AGBL4: variants seen among roughly 807,000 people sequenced by gnomAD.
AGBL4 encodes the protein AGBL carboxypeptidase 4.
Under a neutral mutation model 66.4 loss-of-function variants are expected in AGBL4, and 58 were observed. The observed-to-expected ratio is 0.87, with a 90% confidence interval of 0.71 to 1.09. The LOEUF (loss-of-function observed/expected upper bound fraction) is 1.09. Ranked by LOEUF, AGBL4 falls within the 50% of genes least tolerant of loss-of-function variation. The probability of loss-of-function intolerance (pLI) is 0.00; values close to 1 mark genes in which losing one functional copy is unlikely to be tolerated. For missense variants in AGBL4, 579 were observed against 631.0 expected (o/e 0.92, Z 0.88); for synonymous variants, 234 against 222.9 (o/e 1.05, Z -0.44).
intron 6 of AGBL4, among the ~76,000 whole-genome samples, chr1:48,691,993 A>G (rs1646640583): frequency 6.6e-6 from 1 of 152,118 alleles, no homozygotes; most frequent in Non-Finnish European, 1.5e-5. Flanking sequence ...CCTTTGGGAA[A>G]CTCATTCCAA....
intron 5 of AGBL4, among the ~76,000 whole-genome samples, chr1:48,969,331 A>G (rs1658718498): frequency 1.3e-5 from 2 of 151,908 alleles, no homozygotes; most frequent in Admixed American, 6.6e-5. Context: ...AGTGCCCTCT[A>G]TTTGTCGGAA....
intron 5 of AGBL4, among the ~76,000 whole-genome samples, chr1:48,926,244 ATTATTTTAT>A: frequency 7.0e-6 from 1 of 142,352 alleles, no homozygotes. Flanking sequence ...ATGACCATGA[ATTATTTTAT>A]TTTATTTTAT....
intron 5 of AGBL4, among the ~76,000 whole-genome samples, chr1:48,890,388 T>C (rs1042351528): frequency 6.6e-6 from 1 of 152,182 alleles, no homozygotes; most frequent in African/African-American, 2.4e-5. Flanking sequence ...GTGGTGAGGA[T>C]TAAATATTAT....
At chr1:49,183,344 T>C (rs1054456895) in intron 4 of AGBL4, among the ~76,000 whole-genome samples, 36 of 152,188 alleles carry the variant, frequency 2.4e-4, no homozygotes, top group African/African-American at 8.2e-4. Context: ...ATCTTTGACA[T>C]GACTTTACTG....
rs1040992288 is a variant in AGBL4, at chr1:49,871,484, A to G, written c.35-19966T>C. Among the ~76,000 whole-genome samples, 80 of 152,100 alleles carry G rather than the reference A, an allele frequency of 5.3e-4. 1 individual carries two copies. Among genetic ancestry groups the G allele is most frequent in the African/African-American group, 1.9e-3 (78 of 41,424 alleles). On this transcript the variant is annotated intron_variant, in intron 1 of 13. Transcript: ENST00000371839. The stretch of plus-strand genomic sequence containing the variant: ...ATGACCTGTGATCCTATTCTGTTAT[A>G]TCAAGTGTTTTAAAGTTTTGGTATT...
At chr1:49,986,829 T>C (rs1283062138) in intron 1 of AGBL4, among the ~76,000 whole-genome samples, 1 of 152,088 alleles carries the variant, frequency 6.6e-6, no homozygotes, top group Non-Finnish European at 1.5e-5. Context: ...CCATTGCCCG[T>C]GAAAACAACA....
intron 2 of AGBL4, among the ~76,000 whole-genome samples, chr1:49,839,943 C>T (rs548917707): frequency 6.6e-6 from 1 of 152,152 alleles, no homozygotes; most frequent in Non-Finnish European, 1.5e-5. Flanking sequence ...AACAGGGCAG[C>T]AATACATATA....
intron 2 of AGBL4, among the ~76,000 whole-genome samples, chr1:49,768,795 T>C (rs947603887): frequency 4.6e-5 from 7 of 152,008 alleles, no homozygotes; most frequent in African/African-American, 1.7e-4. Context: ...AAAAGGCTTC[T>C]AGAACTTAAA....
chr1:48,827,151 A>G (rs1473698312), intron 6 of AGBL4, among the ~76,000 whole-genome samples: 11 of 152,178 alleles, frequency 7.2e-5, no homozygotes, highest in Non-Finnish European at 1.0e-4. Flanking sequence ...CTATTACTGT[A>G]CTATACTTTC....
Position 49,829,841 on chromosome 1 carries a change from C to G in AGBL4, c.157+21555G>C, listed in dbSNP as rs373191495. On this transcript the variant is annotated intron_variant, in intron 2 of 13. Transcript: ENST00000371839. ...GGCCATGTGTTCTCATTGTTCAACT[C>G]CCACTAATGAGTGAAAATATGCACT... Among the ~76,000 whole-genome samples, 50 of 152,194 alleles carry G rather than the reference C, an allele frequency of 3.3e-4. 1 individual carries two copies. The South Asian group carries it at 9.6e-3, about 29-fold the overall frequency.
In AGBL4 at chr1:49,920,166, G is replaced by T. The variant is rs373183466; in HGVS notation, c.35-68648C>A. Among the ~76,000 whole-genome samples, 40 of 152,262 alleles carry T rather than the reference G, an allele frequency of 2.6e-4. No homozygotes were observed. The East Asian group carries it at 4.2e-3, about 16-fold the overall frequency. ...AGAAGACCTAGGCAATACCATTCAG[G>T]ACATAGGCATGGGCAAGGACTTCAT... On this transcript the variant is annotated intron_variant, in intron 1 of 13. Transcript: ENST00000371839.
intron 3 of AGBL4, among the ~76,000 whole-genome samples, chr1:49,562,601 C>T (rs895443345): frequency 6.6e-5 from 10 of 152,018 alleles, no homozygotes; most frequent in African/African-American, 2.4e-4. Flanking sequence ...TCAGGTTTGT[C>T]AAAGATCAGA....
chr1:50,023,749 C>T lies in AGBL4; in HGVS notation c.34+14G>A. 6.5e-7 allele frequency: 1 copy of T among 1,548,056 alleles called. No individual in the cohort carries two copies. Among genetic ancestry groups the T allele is most frequent in the Non-Finnish European group, 8.7e-7 (1 of 1,145,460 alleles). ...GCCGCCTCAGCCTTCCCCAGATCGG[C>T]CGCCCCCACAGACCTGCCTCAGGCG... On this transcript the variant is annotated intron_variant, in intron 1 of 13. Transcript: ENST00000371839.
At chr1:49,421,049 C>T (rs1645535577) in intron 3 of AGBL4, among the ~76,000 whole-genome samples, 1 of 152,142 alleles carries the variant, frequency 6.6e-6, no homozygotes. Context: ...AAGGAAACAT[C>T]CTGTGTTTGG....
intron 3 of AGBL4, among the ~76,000 whole-genome samples, chr1:49,324,101 TC>T (rs1417021396): frequency 1.3e-5 from 2 of 152,250 alleles, no homozygotes; most frequent in Non-Finnish European, 2.9e-5. Context: ...GTGCTTCTTA[TC>T]CTGAATTTCT....
chr1:49,262,713 T>C (rs1299236555), intron 3 of AGBL4, among the ~76,000 whole-genome samples: 2 of 152,204 alleles, frequency 1.3e-5, no homozygotes, highest in African/African-American at 4.8e-5. Context: ...GGTGGCACTG[T>C]AAACTAGTTC....
At chr1:49,188,292 G>A (rs1332427471) in intron 4 of AGBL4, among the ~76,000 whole-genome samples, 1 of 152,070 alleles carries the variant, frequency 6.6e-6, no homozygotes, top group Non-Finnish European at 1.5e-5. Context: ...ATAGCACACT[G>A]AGCTCAGTGT....
At chr1:50,006,037 T>A (rs997849861) in intron 1 of AGBL4, among the ~76,000 whole-genome samples, 3 of 152,134 alleles carry the variant, frequency 2.0e-5, no homozygotes, top group Non-Finnish European at 4.4e-5. Flanking sequence ...CAAGAGTTAT[T>A]AGCCTTAAAA....
intron 1 of AGBL4, among the ~76,000 whole-genome samples, chr1:49,854,819 A>C (rs1646394183): frequency 6.6e-6 from 1 of 152,226 alleles, no homozygotes; most frequent in Non-Finnish European, 1.5e-5. Flanking sequence ...CAAAATGCAC[A>C]GTTCCCAGAG....
Sources: allele counts gnomAD v4.1 joint callset (sites outside exome capture counted in the v4.1 genomes callset), GRCh38; gene constraint gnomAD v4.1.1; transcripts MANE v1.5; gene names NCBI Gene and HGNC (gene_info 2026-07-23, HGNC 2026-07-21).